PKIB: variants seen among roughly 807,000 people sequenced by gnomAD.
PKIB encodes PKI-beta.
In PKIB, 2 loss-of-function variants were observed where a neutral mutation model predicts 4.5. That is an observed-to-expected ratio of 0.44 (90% CI 0.18 to 1.39). PKIB has a LOEUF of 1.39. PKIB is among the 40% of genes most tolerant of loss of function. PKIB has a pLI of 0.27. For synonymous variants in PKIB, 38 were observed against 36.0 expected (o/e 1.06, Z -0.20); for missense variants, 94 against 92.6 (o/e 1.02, Z -0.06).
At chr6:122,504,495 C>A (rs1433246917) in intron 2 of PKIB, among the ~76,000 whole-genome samples, 2 of 152,116 alleles carry the variant, frequency 1.3e-5, no homozygotes, top group Non-Finnish European at 2.9e-5. Context: ...GAAAATGCAA[C>A]CCTTCATTTA....
chr6:122,643,119 T>C (rs1776182958), intron 2 of PKIB, among the ~76,000 whole-genome samples: 2 of 152,184 alleles, frequency 1.3e-5, no homozygotes, highest in South Asian at 4.1e-4. Context: ...ATTTTTCTAA[T>C]GAGGCAGCTC....
chr6:122,676,467 A>G (rs1179829310), intron 3 of PKIB, among the ~76,000 whole-genome samples: 5 of 152,198 alleles, frequency 3.3e-5, no homozygotes, highest in African/African-American at 1.2e-4. Flanking sequence ...AAGTCATGCA[A>G]CTAAAGTCTG....
chr6:122,521,945 C>T (rs573275551), intron 2 of PKIB, among the ~76,000 whole-genome samples: 1 of 152,244 alleles, frequency 6.6e-6, no homozygotes, highest in East Asian at 1.9e-4. Context: ...AGGCTCTCGT[C>T]TCCTTTGCAA....
intron 2 of PKIB, chr6:122,493,403 A>T (rs986057598): frequency 6.6e-6 from 1 of 152,240 alleles, no homozygotes; most frequent in Non-Finnish European, 1.5e-5. Context: ...CAGAAATGTG[A>T]GAATTAAATT....
At chr6:122,617,578 C>G (rs1002423277) in intron 1 of PKIB, among the ~76,000 whole-genome samples, 2 of 152,142 alleles carry the variant, frequency 1.3e-5, no homozygotes, top group Admixed American at 6.6e-5. Flanking sequence ...TTTTTACCAA[C>G]TCTTTAAAAA....
intron 2 of PKIB, among the ~76,000 whole-genome samples, chr6:122,533,144 CTTTTTA>C (rs200003892): frequency 6.8e-6 from 1 of 147,258 alleles, no homozygotes; most frequent in African/African-American, 2.5e-5. Context: ...ATGCACAAAA[CTTTTTA>C]TTTATTTATT....
At chr6:122,495,904 C>T (rs965527325) in intron 2 of PKIB, among the ~76,000 whole-genome samples, 2 of 152,116 alleles carry the variant, frequency 1.3e-5, no homozygotes, top group Non-Finnish European at 2.9e-5. Context: ...CTGCTGCAGC[C>T]TCTCCCCCAC....
At chr6:122,510,943 G>A (rs1053941710) in intron 2 of PKIB, among the ~76,000 whole-genome samples, 3 of 152,098 alleles carry the variant, frequency 2.0e-5, no homozygotes, top group Admixed American at 6.5e-5. Context: ...TGGCCATTTC[G>A]GACATATCTC....
At chr6:122,531,547 C>G (rs1777261376) in intron 2 of PKIB, 1 of 152,142 alleles carries the variant, frequency 6.6e-6, no homozygotes, top group African/African-American at 2.4e-5. Flanking sequence ...TTTAAATGTT[C>G]TTTATCCTTC....
At chr6:122,614,214 A>G (rs551314703) in intron 1 of PKIB, among the ~76,000 whole-genome samples, 1 of 152,198 alleles carries the variant, frequency 6.6e-6, no homozygotes, top group African/African-American at 2.4e-5. Context: ...CTAGATTTGC[A>G]TAATTTCCTG....
chr6:122,557,064 G>C (rs1772865506), intron 2 of PKIB, among the ~76,000 whole-genome samples: 2 of 152,026 alleles, frequency 1.3e-5, no homozygotes, highest in Admixed American at 1.3e-4. Flanking sequence ...AAATACAAAA[G>C]AAATAGCCAG....
intron 2 of PKIB, among the ~76,000 whole-genome samples, chr6:122,646,084 AT>A (rs1776305112): frequency 1.3e-5 from 2 of 152,104 alleles, no homozygotes; most frequent in Admixed American, 1.3e-4. Context: ...AGGTGTTATT[AT>A]TCCTTATTCT....
At chr6:122,526,446 T>G (rs1777094431) in intron 2 of PKIB, among the ~76,000 whole-genome samples, 1 of 152,160 alleles carries the variant, frequency 6.6e-6, no homozygotes, top group Admixed American at 6.6e-5. Context: ...ATTTAAATGT[T>G]GAAATTACCC....
chr6:122,632,092 C>G (rs117649926), intron 1 of PKIB, among the ~76,000 whole-genome samples: 1,816 of 152,216 alleles, frequency 0.012, 12 homozygotes, highest in Non-Finnish European at 0.02. Flanking sequence ...ATGGAAGAAG[C>G]TATGGCTGGG....
At chr6:122,532,608 T>C (rs1392482092) in intron 2 of PKIB, among the ~76,000 whole-genome samples, 4 of 152,208 alleles carry the variant, frequency 2.6e-5, no homozygotes, top group Non-Finnish European at 4.4e-5. Flanking sequence ...CCCATATAGA[T>C]GGATTCAAAT....
intron 2 of PKIB, among the ~76,000 whole-genome samples, chr6:122,560,654 A>C (rs1177012628): frequency 6.6e-6 from 1 of 152,132 alleles, no homozygotes; most frequent in Non-Finnish European, 1.5e-5. Context: ...TTCTGCTGTG[A>C]ATCCATCTGG....
At chr6:122,473,044 G>A (rs999665358) in intron 1 of PKIB, among the ~76,000 whole-genome samples, 6 of 152,200 alleles carry the variant, frequency 3.9e-5, no homozygotes, top group African/African-American at 1.4e-4. Flanking sequence ...CCGGGAGGCA[G>A]AGGTTGCAGT....
intron 2 of PKIB, among the ~76,000 whole-genome samples, chr6:122,583,738 C>T (rs900911332): frequency 2.0e-5 from 3 of 151,990 alleles, no homozygotes. Flanking sequence ...CAATGATTAC[C>T]CATTCTAGAT....
At chr6:122,565,727 T>C in intron 2 of PKIB, among the ~76,000 whole-genome samples, 1 of 152,192 alleles carries the variant, frequency 6.6e-6, no homozygotes, top group Non-Finnish European at 1.5e-5. Context: ...TTTTTAAGAT[T>C]TTCCAGTAAC....
Sources: allele counts gnomAD v4.1 joint callset (sites outside exome capture counted in the v4.1 genomes callset), GRCh38; gene constraint gnomAD v4.1.1; transcripts MANE v1.5; gene names NCBI Gene and HGNC (gene_info 2026-07-23, HGNC 2026-07-21).